Variants in SEPTIN9 observed in about 807,000 individuals in gnomAD.
The protein encoded by SEPTIN9 is septin 9, also known as septin-9.
SEPTIN9 carries 13 observed loss-of-function variants against 56.6 expected under a neutral mutation model. The ratio of observed to expected loss-of-function variants is 0.23; its 90% confidence interval spans 0.15 to 0.37. SEPTIN9 has a LOEUF of 0.37. Among genes scored for constraint, SEPTIN9 ranks in the 10% least tolerant of loss-of-function variants. SEPTIN9 has a pLI of 1.00. For synonymous variants in SEPTIN9, 332 were observed against 334.1 expected, an observed-to-expected ratio of 0.99 and a Z score of 0.07; for missense variants, 650 against 823.1, an observed-to-expected ratio of 0.79 and a Z score of 2.57.
chr17:77,335,040 C>T (rs910374641), intron 2 of SEPTIN9, among the ~76,000 whole-genome samples: 1 of 151,350 alleles, frequency 6.6e-6, no homozygotes, highest in African/African-American at 2.4e-5. Context: ...ACATATTGGC[C>T]CTATGTTGAC....
chr17:77,482,347 C>A lies in SEPTIN9; in HGVS notation c.913+12C>A, dbSNP rs2039489450. Reference sequence around the variant, plus strand: ...CATCATGGTGGTCGGTGAGTCCTCACCTTGCATGCCACTCAACCAATGCCG... The same window carrying A: ...CATCATGGTGGTCGGTGAGTCCTCAACTTGCATGCCACTCAACCAATGCCG... On this transcript the variant is annotated intron_variant, in intron 4 of 11. Transcript: ENST00000427177. 6.2e-7 allele frequency: 1 copy of A among 1,610,034 alleles called. No individual in the cohort carries two copies. The highest frequency in any genetic ancestry group is 8.5e-7 in the Non-Finnish European group (1 of 1,179,622).
chr17:77,376,728 C>A (rs1248506160), intron 2 of SEPTIN9: 1 of 152,256 alleles, frequency 6.6e-6, no homozygotes, highest in East Asian at 1.9e-4. Context: ...GTGCCCAGGC[C>A]GGCACAGCAC....
At position 77,384,090 on chromosome 17, in the gene SEPTIN9, C is replaced by T. The variant is rs112382614; in HGVS notation, c.77-17969C>T. ...AAGGGCTGTCGAGCAGGGAGGAAGG[C>T]GGCGGCTGCCCTGACTGTGACCCGG... On this transcript the variant is annotated intron_variant, in intron 2 of 11. Transcript: ENST00000427177. 8.6e-4 allele frequency among the ~76,000 whole-genome samples: 131 copies of T among 152,224 alleles called. 1 individual carries two copies. The highest frequency in any genetic ancestry group is 2.9e-3 in the African/African-American group (122 of 41,554).
chr17:77,343,194 G>A (rs1267434384), intron 2 of SEPTIN9, among the ~76,000 whole-genome samples: 1 of 152,214 alleles, frequency 6.6e-6, no homozygotes, highest in Admixed American at 6.5e-5. Context: ...AGGGGACCCA[G>A]CCTTGTGATT....
intron 1 of SEPTIN9, among the ~76,000 whole-genome samples, chr17:77,300,559 T>G (rs975298303): frequency 6.6e-6 from 1 of 152,156 alleles, no homozygotes; most frequent in African/African-American, 2.4e-5. Flanking sequence ...AGCTTGAGTA[T>G]TTTAGTTGTC....
chr17:77,300,339 AATTG>A (rs1409188430), intron 1 of SEPTIN9, among the ~76,000 whole-genome samples: 4 of 114,770 alleles, frequency 3.5e-5, no homozygotes, highest in Non-Finnish European at 6.2e-5. Context: ...TGGATGAATA[AATTG>A]ACTTTGATCC....
chr17:77,320,292 C>T (rs534680384), intron 2 of SEPTIN9: 44 of 1,611,904 alleles, frequency 2.7e-5, no homozygotes, highest in South Asian at 1.9e-4. Flanking sequence ...AGCGGGACGC[C>T]GGGACTCCCG....
chr17:77,309,284 G>A (rs2032388676), intron 2 of SEPTIN9, among the ~76,000 whole-genome samples: 1 of 152,256 alleles, frequency 6.6e-6, no homozygotes, highest in East Asian at 1.9e-4. Flanking sequence ...CAGCTTGGAA[G>A]CCTAAGGCAT....
intron 1 of SEPTIN9, among the ~76,000 whole-genome samples, chr17:77,291,715 C>T (rs1420859778): frequency 6.6e-6 from 1 of 152,056 alleles, no homozygotes; most frequent in Non-Finnish European, 1.5e-5. Context: ...CAGCCTCAAG[C>T]GATCCTCCTG....
intron 3 of SEPTIN9, among the ~76,000 whole-genome samples, chr17:77,423,832 G>C (rs1479879145): frequency 6.6e-6 from 1 of 152,220 alleles, no homozygotes; most frequent in African/African-American, 2.4e-5. Context: ...GTAGGGGAAG[G>C]TCAGAGAGAG....
intron 2 of SEPTIN9, among the ~76,000 whole-genome samples, chr17:77,382,682 C>T (rs981658732): frequency 6.6e-6 from 1 of 152,216 alleles, no homozygotes; most frequent in African/African-American, 2.4e-5. Context: ...CACCAGAAAA[C>T]CTCAGAAAGG....
chr17:77,432,199 T>C (rs1043928034), intron 3 of SEPTIN9, among the ~76,000 whole-genome samples: 4 of 152,228 alleles, frequency 2.6e-5, no homozygotes, highest in African/African-American at 7.2e-5. Flanking sequence ...CGCTCAACTA[T>C]GTTCCCCTCT....
Position 77,433,646 on chromosome 17 carries a change from T to G in SEPTIN9, c.721+30943T>G, listed in dbSNP as rs2037232845. On this transcript the variant is annotated intron_variant, in intron 3 of 11. Coordinates refer to ENST00000427177, the MANE Select transcript of SEPTIN9 (RefSeq NM_001113491.2). This position sits in a 1 kb window ranked among gnomAD's most constrained non-coding sequence, Gnocchi z 6.4. ...GTGGGGCTGGAGCGGGCGTCTGACC[T>G]GTGGCTGGATCTAGCTGCCCGTGGA... Among the ~76,000 whole-genome samples, 1 of 152,078 alleles carries G rather than the reference T, an allele frequency of 6.6e-6. No homozygotes were observed. The highest frequency in any genetic ancestry group is 1.5e-5 in the Non-Finnish European group (1 of 67,992).
chr17:77,496,754 G>A (rs757533083), intron 10 of SEPTIN9, among the ~76,000 whole-genome samples: 8 of 152,218 alleles, frequency 5.3e-5, no homozygotes, highest in Admixed American at 1.3e-4. Flanking sequence ...GTGAATGGTC[G>A]TCCACAGTAC....
intron 3 of SEPTIN9, among the ~76,000 whole-genome samples, chr17:77,464,596 C>G (rs2038624994): frequency 6.6e-6 from 1 of 151,180 alleles, no homozygotes; most frequent in Non-Finnish European, 1.5e-5. Flanking sequence ...CCAGTTGACA[C>G]AGAAATTTTT....
At chr17:77,430,201 C>G (rs1041387589) in intron 3 of SEPTIN9, among the ~76,000 whole-genome samples, 1 of 152,142 alleles carries the variant, frequency 6.6e-6, no homozygotes, top group African/African-American at 2.4e-5. Context: ...CCACCCTCCC[C>G]CCGCCAGCTC....
Position 77,437,132 on chromosome 17 carries a change from C to T in SEPTIN9, c.721+34429C>T, listed in dbSNP as rs905201664. On this transcript the variant is annotated intron_variant, in intron 3 of 11. Coordinates refer to ENST00000427177, the MANE Select transcript of SEPTIN9 (RefSeq NM_001113491.2). This position sits in a 1 kb window ranked among gnomAD's most constrained non-coding sequence, Gnocchi z 5.3. ...CATTCGGTTGGCATCAGCATCCCTG[C>T]CTTGACACCCCCGTGTGGCAGCTGC... is the stretch of plus-strand genomic sequence containing the variant. Among the ~76,000 whole-genome samples the T allele has an allele frequency of 6.6e-6, 1 of 152,246 alleles. No homozygotes were observed. Among genetic ancestry groups the T allele is most frequent in the Admixed American group, 6.5e-5 (1 of 15,286 alleles).
chr17:77,472,176 C>T (rs1246808359), intron 3 of SEPTIN9, among the ~76,000 whole-genome samples: 1 of 152,164 alleles, frequency 6.6e-6, no homozygotes, highest in African/African-American at 2.4e-5. Flanking sequence ...AATGAAAGAA[C>T]AGAGGAGGGC....
At chr17:77,390,346 TA>T (rs200348069) in intron 2 of SEPTIN9, among the ~76,000 whole-genome samples, 2,231 of 90,262 alleles carry the variant, frequency 0.025, 22 homozygotes, top group South Asian at 0.035. Context: ...GACTCCGTCT[TA>T]AAAAAAAAAA....
Sources: gnomAD v4.1 joint callset for allele counts (sites outside exome capture counted in the v4.1 genomes callset) on GRCh38, gnomAD v4.1.1 for gene constraint, Gnocchi (gnomAD v3.1) non-coding constraint, MANE v1.5 for transcripts, NCBI Gene and HGNC (gene_info 2026-07-23, HGNC 2026-07-21) for gene names.